Variants in XRCC4 observed in about 807,000 individuals in gnomAD.
XRCC4 encodes X-ray repair cross complementing 4.
XRCC4 carries 28 observed loss-of-function variants against 39.1 expected under a neutral mutation model. The ratio of observed to expected loss-of-function variants is 0.72; its 90% CI spans 0.53 to 0.98. XRCC4 has a LOEUF of 0.98. Among genes scored for constraint, XRCC4 ranks in the 50% least tolerant of loss-of-function variants. XRCC4 has a pLI of 0.00. For missense variants in XRCC4, 350 were observed against 376.4 expected (o/e 0.93, Z 0.58); for synonymous variants, 123 against 126.4 (o/e 0.97, Z 0.18).
At chr5:83,088,893 C>G (rs552238484) in intron 1 of XRCC4, among the ~76,000 whole-genome samples, 1 of 152,172 alleles carries the variant, frequency 6.6e-6, no homozygotes, top group Non-Finnish European at 1.5e-5. Context: ...TGATTTAGTG[C>G]TATTTCAGAA....
intron 2 of XRCC4, among the ~76,000 whole-genome samples, chr5:83,108,046 G>A (rs1746280657): frequency 6.6e-6 from 1 of 151,902 alleles, no homozygotes; most frequent in Non-Finnish European, 1.5e-5. Context: ...CACTGCAAAA[G>A]TGATGCTTTT....
chr5:83,171,264 C>G (rs548786234), intron 3 of XRCC4, among the ~76,000 whole-genome samples: 1 of 152,130 alleles, frequency 6.6e-6, no homozygotes, highest in Non-Finnish European at 1.5e-5. Context: ...AACAACTGAT[C>G]TTCTTATCTC....
At chr5:83,171,066 T>G (rs928200367) in intron 3 of XRCC4, among the ~76,000 whole-genome samples, 1 of 152,142 alleles carries the variant, frequency 6.6e-6, no homozygotes, top group Non-Finnish European at 1.5e-5. Context: ...TTAAATTCAC[T>G]CTAATAGACC....
intron 7 of XRCC4, among the ~76,000 whole-genome samples, chr5:83,266,844 CATT>C (rs1204602685): frequency 6.6e-6 from 1 of 151,982 alleles, no homozygotes; most frequent in African/African-American, 2.4e-5. Flanking sequence ...TCATTACCAC[CATT>C]ATTGAATGTT....
chr5:83,084,235 A>G (rs958631610), intron 1 of XRCC4, among the ~76,000 whole-genome samples: 6 of 152,194 alleles, frequency 3.9e-5, no homozygotes, highest in Admixed American at 3.9e-4. Context: ...CTTTAAAATA[A>G]TTGAAAGGTA....
At chr5:83,206,990 A>G (rs1320941581) in intron 6 of XRCC4, among the ~76,000 whole-genome samples, 1 of 152,182 alleles carries the variant, frequency 6.6e-6, no homozygotes, top group Non-Finnish European at 1.5e-5. Flanking sequence ...GGATTACACA[A>G]TACACACACA....
chr5:83,252,170 G>T (rs1580426667), intron 6 of XRCC4, among the ~76,000 whole-genome samples: 1 of 152,128 alleles, frequency 6.6e-6, no homozygotes, highest in African/African-American at 2.4e-5. Context: ...CTGAGGCATT[G>T]GTTGGTTGTT....
At chr5:83,184,526 G>A (rs1425401361) in intron 3 of XRCC4, among the ~76,000 whole-genome samples, 4 of 151,988 alleles carry the variant, frequency 2.6e-5, no homozygotes, top group East Asian at 1.9e-4. Context: ...TTTTTTTGGA[G>A]AATGTTATGA....
chr5:83,285,363 C>T (rs1754696973), intron 7 of XRCC4, among the ~76,000 whole-genome samples: 1 of 152,034 alleles, frequency 6.6e-6, no homozygotes, highest in Non-Finnish European at 1.5e-5. Flanking sequence ...AAATATATTT[C>T]TGTATGGCTT....
intron 7 of XRCC4, among the ~76,000 whole-genome samples, chr5:83,294,641 A>C (rs1755033466): frequency 6.6e-6 from 1 of 152,162 alleles, no homozygotes; most frequent in East Asian, 1.9e-4. Flanking sequence ...TTAATTGAGA[A>C]GACTTCTGGT....
chr5:83,242,218 C>G (rs1387833940), intron 6 of XRCC4, among the ~76,000 whole-genome samples: 1 of 148,096 alleles, frequency 6.8e-6, no homozygotes, highest in Non-Finnish European at 1.5e-5. Flanking sequence ...ACAAACCTTG[C>G]ATGAAACTAC....
At chr5:83,246,223 C>G (rs1354632927) in intron 6 of XRCC4, among the ~76,000 whole-genome samples, 1 of 152,008 alleles carries the variant, frequency 6.6e-6, no homozygotes, top group African/African-American at 2.4e-5. Flanking sequence ...ACTTTTCCAG[C>G]TGTGTTATGT....
chr5:83,302,294 G>A (rs1160119380), intron 7 of XRCC4, among the ~76,000 whole-genome samples: 1 of 151,860 alleles, frequency 6.6e-6, no homozygotes, highest in Non-Finnish European at 1.5e-5. Context: ...CTGCTCACAT[G>A]ACCACCCAGT....
chr5:83,362,316 A>AAAAAAAAAAAAAAAAC, the XRCC4 span, among the ~76,000 whole-genome samples: 1 of 146,046 alleles, frequency 6.8e-6, no homozygotes, highest in African/African-American at 2.7e-5. Flanking sequence ...AAAAAAAAAA[A>AAAAAAAAAAAAAAAAC]AACTATCTCA....
chr5:83,231,908 T>G (rs1752509698), intron 6 of XRCC4, among the ~76,000 whole-genome samples: 1 of 152,106 alleles, frequency 6.6e-6, no homozygotes, highest in Non-Finnish European at 1.5e-5. Context: ...GATTTGTCAT[T>G]TGTTACAGTT....
chr5:83,204,155 C>T (rs1188923234), intron 5 of XRCC4, among the ~76,000 whole-genome samples: 1 of 152,112 alleles, frequency 6.6e-6, no homozygotes, highest in Non-Finnish European at 1.5e-5. Context: ...TCTTCTTTCA[C>T]ATATTCTCTG....
intron 4 of XRCC4, among the ~76,000 whole-genome samples, chr5:83,203,298 A>G (rs965906935): frequency 6.6e-6 from 1 of 152,124 alleles, no homozygotes; most frequent in Non-Finnish European, 1.5e-5. Context: ...ATCTTTAGGC[A>G]TTTTGATTTT....
At chr5:83,209,587 A>G (rs1189160435) in intron 6 of XRCC4, among the ~76,000 whole-genome samples, 1 of 152,092 alleles carries the variant, frequency 6.6e-6, no homozygotes, top group African/African-American at 2.4e-5. Flanking sequence ...TATATGATAG[A>G]GTTAGGATTT....
At chr5:83,250,731 T>C (rs1753275639) in intron 6 of XRCC4, among the ~76,000 whole-genome samples, 1 of 152,240 alleles carries the variant, frequency 6.6e-6, no homozygotes, top group Admixed American at 6.5e-5. Flanking sequence ...GAGCTAGCCC[T>C]TTAATTTTCT....
Sources: gnomAD v4.1 joint callset for allele counts (sites outside exome capture counted in the v4.1 genomes callset) on GRCh38, gnomAD v4.1.1 for gene constraint, MANE v1.5 for transcripts, NCBI Gene and HGNC (gene_info 2026-07-23, HGNC 2026-07-21) for gene names.